The following GABBR2 variants were observed in gnomAD, a reference collection of about 807,000 sequenced individuals.
GABBR2 encodes gamma-aminobutyric acid type B receptor subunit 2.
GABBR2 carries 23 observed loss-of-function variants against 105.6 expected under a neutral mutation model. That is an observed-to-expected ratio of 0.22 (90% CI 0.16 to 0.31). The LOEUF (loss-of-function observed/expected upper bound fraction) is 0.31. GABBR2 is among the 10% of genes least tolerant of loss of function. The pLI, the probability that GABBR2 is intolerant of heterozygous loss-of-function variation, is 1.00. For missense variants in GABBR2, 734 were observed against 1,245.5 expected (o/e 0.59, Z 6.18); for synonymous variants, 478 against 499.7 (o/e 0.96, Z 0.58).
rs993111534 is a variant in GABBR2 at position 98,607,290 on chromosome 9, C to A, written c.322-29218G>T. On this transcript the variant is annotated intron_variant, in intron 1 of 18. Coordinates refer to ENST00000259455, the MANE Select transcript of GABBR2 (RefSeq NM_005458.8). ...ATCGCATGTGAACGGACGTCAGATGCCTGATAACGGTGTAGCGTTGTTTAT... is the reference window on the plus strand; with the variant it reads ...ATCGCATGTGAACGGACGTCAGATGACTGATAACGGTGTAGCGTTGTTTAT... The A allele has an allele frequency of 3.4e-5, 30 of 893,310 alleles. 1 individual carries two copies. The highest frequency in any genetic ancestry group is 3.3e-4 in the Middle Eastern group (1 of 3,062). 55.3% of individuals were successfully genotyped at this position (893,310 alleles called of 1,614,324 possible).
intron 1 of GABBR2, among the ~76,000 whole-genome samples, chr9:98,633,162 A>G (rs1366813330): frequency 6.6e-6 from 1 of 152,206 alleles, no homozygotes; most frequent in Non-Finnish European, 1.5e-5. Flanking sequence ...TTCATGAGCC[A>G]GTACCAGCCA....
intron 13 of GABBR2, among the ~76,000 whole-genome samples, chr9:98,341,635 TGGAA>T (rs1310737654): frequency 6.6e-6 from 1 of 152,122 alleles, no homozygotes; most frequent in Non-Finnish European, 1.5e-5. Flanking sequence ...GATTGCCTGA[TGGAA>T]GGAAGGAAGT....
chr9:98,336,566 A>C (rs1015037758), intron 13 of GABBR2, among the ~76,000 whole-genome samples: 1 of 152,098 alleles, frequency 6.6e-6, no homozygotes. Context: ...TTAGCCAGGC[A>C]TGGTGGCATG....
chr9:98,474,123 T>C (rs1826742528), intron 5 of GABBR2, among the ~76,000 whole-genome samples: 2 of 152,138 alleles, frequency 1.3e-5, no homozygotes, highest in Non-Finnish European at 2.9e-5. Flanking sequence ...ACATTCACTC[T>C]GGGAGGTGGT....
chr9:98,413,333 A>G (rs1480953719), intron 7 of GABBR2, among the ~76,000 whole-genome samples: 1 of 152,004 alleles, frequency 6.6e-6, no homozygotes, highest in Admixed American at 6.6e-5. Flanking sequence ...TCTGCATGAC[A>G]CAGGCTTGAA....
intron 1 of GABBR2, among the ~76,000 whole-genome samples, chr9:98,619,011 G>A (rs1829631885): frequency 6.6e-6 from 1 of 152,168 alleles, no homozygotes; most frequent in Non-Finnish European, 1.5e-5. Context: ...AAGAACATAA[G>A]TTGGTGGGGA....
chr9:98,611,167 GC>G (rs201822656), intron 1 of GABBR2, among the ~76,000 whole-genome samples: 2 of 151,996 alleles, frequency 1.3e-5, no homozygotes, highest in Admixed American at 1.3e-4. Context: ...GGGCTCCTCA[GC>G]CCCCCGGAGA....
intron 1 of GABBR2, among the ~76,000 whole-genome samples, chr9:98,649,286 C>T (rs1564141163): frequency 6.6e-6 from 1 of 152,164 alleles, no homozygotes; most frequent in Non-Finnish European, 1.5e-5. Flanking sequence ...AGCTCAGAGG[C>T]AAATGTAGTT....
chr9:98,708,322 C>A (rs954921492), intron 1 of GABBR2, 95 bp downstream of exon 1: 6 of 1,235,784 alleles, frequency 4.9e-6, no homozygotes, highest in Non-Finnish European at 6.3e-6. Flanking sequence ...GCCGGTCAAT[C>A]GGGGATCTGA....
chr9:98,692,715 CA>C (rs1345416617), intron 1 of GABBR2, among the ~76,000 whole-genome samples: 2 of 152,248 alleles, frequency 1.3e-5, no homozygotes, highest in African/African-American at 4.8e-5. Flanking sequence ...TGCAGATCCA[CA>C]GTTTCTCCAG....
rs116346134 is a variant in GABBR2, at chr9:98,606,886, G to A, written c.322-28814C>T. On this transcript the variant is annotated intron_variant, in intron 1 of 18. Transcript: ENST00000259455. ...AGCGTCCACAGCAGCACCATGGGAGGTCTGATTGATCCACATGAATTCCTA... is the reference window on the plus strand; with the variant it reads ...AGCGTCCACAGCAGCACCATGGGAGATCTGATTGATCCACATGAATTCCTA... The A allele has an allele frequency of 2.3e-3, 1,366 of 581,310 alleles. 20 individuals carry two copies. Among genetic ancestry groups the A allele is most frequent in the African/African-American group, 0.022 (1,179 of 54,008 alleles). 36.0% of individuals were successfully genotyped at this position (581,310 alleles called of 1,614,324 possible).
intron 18 of GABBR2, among the ~76,000 whole-genome samples, chr9:98,291,131 C>T (rs935315807): frequency 6.6e-6 from 1 of 152,112 alleles, no homozygotes; most frequent in Non-Finnish European, 1.5e-5. Flanking sequence ...GCATTTAATC[C>T]ACCTAACCTA....
intron 1 of GABBR2, among the ~76,000 whole-genome samples, chr9:98,693,068 T>C (rs1267548232): frequency 2.0e-5 from 3 of 152,120 alleles, no homozygotes; most frequent in Non-Finnish European, 2.9e-5. Context: ...GATCAGCGAG[T>C]GTTCCTCACC....
At chr9:98,613,320 G>C (rs1829533291) in intron 1 of GABBR2, among the ~76,000 whole-genome samples, 2 of 152,122 alleles carry the variant, frequency 1.3e-5, no homozygotes, top group African/African-American at 4.8e-5. Flanking sequence ...CACACCTGTA[G>C]TCCCAGCTAA....
rs114444628 is a variant in GABBR2 at position 98,421,661 on chromosome 9, C to T, written c.1237-15520G>A. Among the ~76,000 whole-genome samples the T allele has an allele frequency of 8.2e-3, 1,246 of 152,156 alleles. 17 individuals carry two copies. Among genetic ancestry groups the T allele is most frequent in the East Asian group, 0.029 (150 of 5,182 alleles). On this transcript the variant is annotated intron_variant, in intron 7 of 18. Transcript: ENST00000259455. ...CTTTAAACTGAGAAAGTTTGGAAAC[C>T]TCTGGAATAAAGGGTTAATAGGTAA...
At chr9:98,385,209 T>G (rs915114639) in intron 11 of GABBR2, among the ~76,000 whole-genome samples, 1 of 152,182 alleles carries the variant, frequency 6.6e-6, no homozygotes, top group African/African-American at 2.4e-5. Flanking sequence ...GTAAGTCCAG[T>G]ATCTTTATTT....
chr9:98,338,436 A>C (rs1417227763), intron 13 of GABBR2, among the ~76,000 whole-genome samples: 1 of 152,204 alleles, frequency 6.6e-6, no homozygotes, highest in African/African-American at 2.4e-5. Context: ...AAAACAGATG[A>C]ATAATTCAAT....
intron 5 of GABBR2, among the ~76,000 whole-genome samples, chr9:98,475,121 C>T (rs1245074272): frequency 6.6e-6 from 1 of 152,166 alleles, no homozygotes; most frequent in Non-Finnish European, 1.5e-5. Flanking sequence ...TTCGATGATA[C>T]AGGACCTTCG....
intron 7 of GABBR2, among the ~76,000 whole-genome samples, chr9:98,433,915 T>G (rs775409143): frequency 1.1e-4 from 16 of 152,018 alleles, no homozygotes; most frequent in Non-Finnish European, 2.1e-4. Flanking sequence ...TGGTTAATAT[T>G]GAATGTCAAC....
Sources: allele counts gnomAD v4.1 joint callset (sites outside exome capture counted in the v4.1 genomes callset), GRCh38; gene constraint gnomAD v4.1.1; transcripts MANE v1.5; gene names NCBI Gene and HGNC (gene_info 2026-07-23, HGNC 2026-07-21).